Variants in SPTLC3 observed in about 807,000 individuals in gnomAD.
The protein encoded by SPTLC3 is serine palmitoyltransferase long chain base subunit 3, also known as serine palmitoyltransferase 3.
Under a neutral mutation model 59.3 loss-of-function variants are expected in SPTLC3, and 36 were observed. The observed-to-expected ratio is 0.61, with a 90% confidence interval of 0.47 to 0.80. The LOEUF (loss-of-function observed/expected upper bound fraction) is 0.80, where lower values mean the gene tolerates loss of function less well. SPTLC3 is among the 30% of genes least tolerant of loss of function. The pLI is 0.00. For synonymous variants in SPTLC3, 257 were observed against 240.8 expected (o/e 1.07, Z -0.62); for missense variants, 625 against 685.1 (o/e 0.91, Z 0.98).
At chr20:13,016,559 C>T (rs1410882424) in intron 1 of SPTLC3, among the ~76,000 whole-genome samples, 1 of 152,166 alleles carries the variant, frequency 6.6e-6, no homozygotes, top group Admixed American at 6.5e-5. Flanking sequence ...GGCTATCTAC[C>T]TTATCCTAAC....
At position 13,126,639 on chromosome 20, in the gene SPTLC3, T is replaced by C; in HGVS notation, c.1201T>C (p.Ser401Pro). The C allele has an allele frequency of 6.2e-7, 1 of 1,614,046 alleles. No individual in the cohort carries two copies. The highest frequency in any genetic ancestry group is 8.5e-7 in the Non-Finnish European group (1 of 1,179,944). Reference sequence around the variant, plus strand: ...TCACTCGCATAGTGCTGTTTATGCTTCATCCATGAGCCCACCGATAGCAGA... The same window carrying C: ...TCACTCGCATAGTGCTGTTTATGCTCCATCCATGAGCCCACCGATAGCAGA... Reference protein sequence around the residue: ...RVHSHSAVYASSMSPPIAEQI... With the variant: ...RVHSHSAVYAPSMSPPIAEQI... The change falls in exon 9 of 12, where the codon TCA (serine) becomes CCA (proline). Residue 401 changes from serine (S) to proline (P), a missense_variant. Coordinates refer to ENST00000399002, the MANE Select transcript of SPTLC3 (RefSeq NM_018327.4).
At chr20:13,059,116 TA>T (rs1357388920) in intron 2 of SPTLC3, among the ~76,000 whole-genome samples, 1 of 152,192 alleles carries the variant, frequency 6.6e-6, no homozygotes. Context: ...AATGCTCCTA[TA>T]AATCTTTAAC....
At chr20:13,117,441 G>A (rs1990621435) in intron 7 of SPTLC3, 65 bp from the exon 8 acceptor site, 5 of 1,441,626 alleles carry the variant, frequency 3.5e-6, no homozygotes, top group Non-Finnish European at 4.7e-6. Flanking sequence ...TGTATTGATG[G>A]GGAAACTGAC....
At chr20:13,027,850 T>C (rs74372259) in intron 1 of SPTLC3, among the ~76,000 whole-genome samples, 8,370 of 152,270 alleles carry the variant, frequency 0.055, 269 homozygotes, top group South Asian at 0.084. Flanking sequence ...GCATATCAGA[T>C]AGCAAAATTT....
At chr20:13,021,147 T>C (rs1985860555) in intron 1 of SPTLC3, among the ~76,000 whole-genome samples, 1 of 152,180 alleles carries the variant, frequency 6.6e-6, no homozygotes, top group African/African-American at 2.4e-5. Context: ...TCAAAGCACA[T>C]TCTTCTCTTG....
At chr20:13,028,506 A>G (rs1247617911) in intron 1 of SPTLC3, among the ~76,000 whole-genome samples, 3 of 152,304 alleles carry the variant, frequency 2.0e-5, no homozygotes, top group East Asian at 1.9e-4. Context: ...ATGATGTCTG[A>G]TTAAGAGACA....
chr20:13,016,190 A>C (rs1167346024), intron 1 of SPTLC3, among the ~76,000 whole-genome samples: 1 of 152,156 alleles, frequency 6.6e-6, no homozygotes. Flanking sequence ...AGAAGGGAAG[A>C]GAAGTCAGAA....
intron 7 of SPTLC3, among the ~76,000 whole-genome samples, chr20:13,115,211 G>A (rs6109717): frequency 0.4 from 60,197 of 152,022 alleles, 11,924 homozygotes; most frequent in Admixed American, 0.42. Flanking sequence ...ATATCCCACT[G>A]TGGGAAAAGG....
chr20:13,074,197 C>A, intron 3 of SPTLC3, 152 bp from the exon 4 acceptor site: 1 of 1,006,478 alleles, frequency 9.9e-7, no homozygotes, highest in South Asian at 1.3e-5. Flanking sequence ...CTCCTGCCAG[C>A]TCTGTTCCAC....
At chr20:13,094,756 G>T (rs1444269751) in intron 6 of SPTLC3, among the ~76,000 whole-genome samples, 1 of 152,180 alleles carries the variant, frequency 6.6e-6, no homozygotes, top group African/African-American at 2.4e-5. Flanking sequence ...ACTGAGTGGG[G>T]TGAGGTCTGG....
intron 2 of SPTLC3, among the ~76,000 whole-genome samples, chr20:13,062,742 G>GT (rs1329081122): frequency 1.9e-4 from 29 of 152,020 alleles, no homozygotes; most frequent in Non-Finnish European, 4.0e-4. Context: ...TGTGTGACTT[G>GT]TTTTTTTCCC....
chr20:13,074,301 A>T (rs192529333), intron 3 of SPTLC3, 48 bp from the exon 4 acceptor site: 1 of 1,601,890 alleles, frequency 6.2e-7, no homozygotes, highest in South Asian at 1.1e-5. Flanking sequence ...TGAATCGTGC[A>T]TAATCCTGGG....
chr20:13,140,500 G>C (rs1215262887), intron 9 of SPTLC3, among the ~76,000 whole-genome samples: 1 of 152,118 alleles, frequency 6.6e-6, no homozygotes, highest in Non-Finnish European at 1.5e-5. Flanking sequence ...TTCCTATCAG[G>C]ATGGAGCTAA....
At position 13,049,092 on chromosome 20, in the gene SPTLC3, G is replaced by C; in HGVS notation, c.265G>C (p.Glu89Gln). 4.3e-6 allele frequency: 7 copies of C among 1,613,660 alleles called. No individual in the cohort carries two copies. The highest frequency in any genetic ancestry group is 5.9e-6 in the Non-Finnish European group (7 of 1,179,808). The part of the protein sequence containing the change: ...LRDFLRNWGI[E>Q]KCNAAVERKE... ...AGACTTTTTAAGAAACTGGGGAATA[G>C]AAAAATGCAACGCAGCTGTGGAAAG... is the stretch of plus-strand genomic sequence containing the variant. Residue 89 changes from glutamate to glutamine, a missense_variant, in exon 2 of 12, where the codon GAA becomes CAA. Physicochemically the swap from Glu to Gln is conservative, Grantham distance 29 (BLOSUM62 2). Transcript: ENST00000399002.
intron 1 of SPTLC3, among the ~76,000 whole-genome samples, chr20:13,012,944 G>T (rs1985331324): frequency 6.6e-6 from 1 of 152,156 alleles, no homozygotes; most frequent in African/African-American, 2.4e-5. Context: ...GGGCAAATGA[G>T]GAAAAGACAG....
At position 13,067,055 on chromosome 20, in the gene SPTLC3, A is replaced by G. The variant is rs919377032; in HGVS notation, c.304-5201A>G. ...AAATGTCACTTCTACATATATATAT[A>G]TATATATATATATATATATATATAT... is the stretch of plus-strand genomic sequence containing the variant. On this transcript the variant is annotated intron_variant, in intron 2 of 11. Coordinates refer to ENST00000399002, the MANE Select transcript of SPTLC3 (RefSeq NM_018327.4). Among the ~76,000 whole-genome samples, 27 of 2,746 alleles carry G rather than the reference A, an allele frequency of 9.8e-3. 8 individuals carry two copies. In the African/African-American group the frequency reaches 0.12, roughly 12 times the overall value. The allele number at this position is 2,746 out of a possible 152,430, so 1.8% of individuals were successfully genotyped here. A position where few individuals can be genotyped will look rare whatever the true frequency, so the allele number is the denominator to read the frequency against.
chr20:13,140,997 C>G (rs1019295290), intron 9 of SPTLC3, among the ~76,000 whole-genome samples: 2 of 152,160 alleles, frequency 1.3e-5, no homozygotes, highest in Admixed American at 1.3e-4. Flanking sequence ...GACCTACAAC[C>G]TTTGCTCTGG....
chr20:13,040,641 A>C (rs1016204968), intron 1 of SPTLC3, among the ~76,000 whole-genome samples: 2 of 151,582 alleles, frequency 1.3e-5, no homozygotes, highest in Non-Finnish European at 2.9e-5. Flanking sequence ...TACAGGCATG[A>C]GCCACTTTAA....
chr20:13,148,028 A>C lies in SPTLC3; in HGVS notation c.1280-5975A>C, dbSNP rs74602924. Among the ~76,000 whole-genome samples, 6 of 152,254 alleles carry C rather than the reference A, an allele frequency of 3.9e-5. No homozygotes were observed. In the South Asian group the frequency reaches 1.2e-3, roughly 32 times the overall value. ...TTGCTTAGGATTACGGGGGAAATGC[A>C]TTCTCTTTTTTTGCATGCCAATGGT... On this transcript the variant is annotated intron_variant, in intron 9 of 11. Transcript: ENST00000399002.
Sources: allele counts gnomAD v4.1 joint callset (sites outside exome capture counted in the v4.1 genomes callset), GRCh38; gene constraint gnomAD v4.1.1; transcripts MANE v1.5; gene names NCBI Gene and HGNC (gene_info 2026-07-23, HGNC 2026-07-21).